Variants in KCNQ3 observed in about 807,000 individuals in gnomAD.
The protein encoded by KCNQ3 is potassium voltage-gated channel subfamily Q member 3, also known as potassium voltage-gated channel subfamily KQT member 3.
KCNQ3 carries 30 observed loss-of-function variants against 92.5 expected under a neutral mutation model. The ratio of observed to expected loss-of-function variants is 0.32; its 90% CI spans 0.24 to 0.44. KCNQ3 has a LOEUF of 0.44. Among genes scored for constraint, KCNQ3 ranks in the 20% least tolerant of loss-of-function variants. The pLI is 1.00. For missense variants in KCNQ3, 913 were observed against 1,140.3 expected (o/e 0.80, Z 2.87); for synonymous variants, 450 against 468.8 (o/e 0.96, Z 0.52).
At chr8:132,206,153 G>A (rs1813649970) in intron 1 of KCNQ3, among the ~76,000 whole-genome samples, 1 of 152,118 alleles carries the variant, frequency 6.6e-6, no homozygotes, top group South Asian at 2.1e-4. Flanking sequence ...GAATGGCTTG[G>A]GGCTTCTAGT....
intron 1 of KCNQ3, among the ~76,000 whole-genome samples, chr8:132,427,240 G>C (rs1563907964): frequency 6.6e-6 from 1 of 152,154 alleles, no homozygotes; most frequent in Non-Finnish European, 1.5e-5. Flanking sequence ...CTGCCTCTAT[G>C]GGAGTAAGAG....
chr8:132,438,631 G>T (rs1229464007), intron 1 of KCNQ3, among the ~76,000 whole-genome samples: 1 of 151,998 alleles, frequency 6.6e-6, no homozygotes, highest in East Asian at 1.9e-4. Context: ...GTGGTCAGCT[G>T]CTAGGAGAGC....
chr8:132,291,819 CT>C (rs1296034449), intron 1 of KCNQ3, among the ~76,000 whole-genome samples: 2 of 152,128 alleles, frequency 1.3e-5, no homozygotes, highest in Non-Finnish European at 2.9e-5. Flanking sequence ...GACAAAATAA[CT>C]TTAAAAACAG....
chr8:132,264,893 C>CT (rs2130481315), intron 1 of KCNQ3, among the ~76,000 whole-genome samples: 1 of 152,292 alleles, frequency 6.6e-6, no homozygotes, highest in African/African-American at 2.4e-5. Context: ...CTTACTAGCT[C>CT]TAGCTGTAAA....
intron 1 of KCNQ3, among the ~76,000 whole-genome samples, chr8:132,455,340 C>T (rs1402172151): frequency 6.6e-6 from 1 of 152,234 alleles, no homozygotes; most frequent in Non-Finnish European, 1.5e-5. Flanking sequence ...CTCCTGACCT[C>T]ACATGACTCT....
intron 1 of KCNQ3, among the ~76,000 whole-genome samples, chr8:132,270,742 A>T (rs1816123017): frequency 6.6e-6 from 1 of 152,250 alleles, no homozygotes; most frequent in South Asian, 2.1e-4. Flanking sequence ...TTTGTTACAG[A>T]ATATTTTTAT....
intron 3 of KCNQ3, among the ~76,000 whole-genome samples, chr8:132,183,229 C>A (rs1826849778): frequency 6.6e-6 from 1 of 152,126 alleles, no homozygotes; most frequent in Non-Finnish European, 1.5e-5. Flanking sequence ...TAAGTTGAAG[C>A]CACTGATGAC....
chr8:132,226,502 C>G (rs1038746983), intron 1 of KCNQ3, among the ~76,000 whole-genome samples: 1 of 152,070 alleles, frequency 6.6e-6, no homozygotes, highest in African/African-American at 2.4e-5. Context: ...AAGAAATTGA[C>G]AAGTAGCCAA....
chr8:132,172,155 C>T (rs1339628581), intron 7 of KCNQ3, among the ~76,000 whole-genome samples: 2 of 151,906 alleles, frequency 1.3e-5, no homozygotes, highest in Non-Finnish European at 2.9e-5. Flanking sequence ...CCCTACACTC[C>T]AGCCTGGACA....
chr8:132,429,238 C>A (rs1821185189), intron 1 of KCNQ3, among the ~76,000 whole-genome samples: 1 of 152,192 alleles, frequency 6.6e-6, no homozygotes, highest in South Asian at 2.1e-4. Flanking sequence ...GGCATCTTGT[C>A]TCCTTATCAT....
chr8:132,235,521 C>G (rs1210220262), intron 1 of KCNQ3, among the ~76,000 whole-genome samples: 6 of 152,132 alleles, frequency 3.9e-5, no homozygotes, highest in Non-Finnish European at 8.8e-5. Flanking sequence ...AACTTCCTGT[C>G]CAGCCACTAG....
rs149240486 is a variant in KCNQ3, at chr8:132,392,135, C to T, written c.386+88012G>A. On this transcript the variant is annotated intron_variant, in intron 1 of 14. Coordinates refer to ENST00000388996, the MANE Select transcript of KCNQ3 (RefSeq NM_004519.4). ...CCCCCTGGAGAAACATATCTGGTTA[C>T]GACGTAATTCCTCTGACCTAAATTG... Among the ~76,000 whole-genome samples the T allele has an allele frequency of 5.4e-3, 820 of 152,276 alleles. 9 individuals carry two copies. Among genetic ancestry groups the T allele is most frequent in the African/African-American group, 0.018 (757 of 41,554 alleles).
Position 132,137,875 on chromosome 8 carries a change from A to ACTGT in KCNQ3, c.1700+6_1700+9dup. The stretch of plus-strand genomic sequence containing the variant: ...GGGGAGCGCAGTCCCTCCAGATGTG[A>ACTGT]CTGTCTCACCTCGTCTGAAGGTACT... On this transcript the variant is annotated intron_variant, in intron 12 of 14. Coordinates refer to ENST00000388996, the MANE Select transcript of KCNQ3 (RefSeq NM_004519.4). The ACTGT allele has an allele frequency of 6.2e-7, 1 of 1,613,930 alleles. No individual in the cohort carries two copies. Among genetic ancestry groups the ACTGT allele is most frequent in the Non-Finnish European group, 8.5e-7 (1 of 1,179,930 alleles).
chr8:132,471,961 A>G lies in KCNQ3; in HGVS notation c.386+8186T>C, dbSNP rs572139510. On this transcript the variant is annotated intron_variant, in intron 1 of 14. Transcript: ENST00000388996. ...CAAAGTGGGCAAAGGATATGAATAG[A>G]TATTTCTTAAAAGAAGACATATATA... 1.9e-4 allele frequency among the ~76,000 whole-genome samples: 29 copies of G among 152,344 alleles called. No homozygotes were observed. The East Asian group carries it at 5.2e-3, about 27-fold the overall frequency.
chr8:132,396,534 C>T (rs535712210), intron 1 of KCNQ3, among the ~76,000 whole-genome samples: 1 of 151,886 alleles, frequency 6.6e-6, no homozygotes, highest in South Asian at 2.1e-4. Context: ...CAGATTTATC[C>T]AGCCTTGCCG....
chr8:132,190,000 CA>C (rs1281940778), intron 1 of KCNQ3, among the ~76,000 whole-genome samples: 1 of 150,752 alleles, frequency 6.6e-6, no homozygotes, highest in Non-Finnish European at 1.5e-5. Context: ...CTTGGTCCAA[CA>C]ATGCAAGCCA....
At chr8:132,476,745 T>C (rs551598928) in intron 1 of KCNQ3, among the ~76,000 whole-genome samples, 2 of 152,312 alleles carry the variant, frequency 1.3e-5, no homozygotes, top group Admixed American at 6.5e-5. Flanking sequence ...GGACTTAGAC[T>C]TTTGAGTTAA....
chr8:132,388,056 A>T (rs1164294581), intron 1 of KCNQ3, among the ~76,000 whole-genome samples: 1 of 151,668 alleles, frequency 6.6e-6, no homozygotes, highest in Non-Finnish European at 1.5e-5. Context: ...AAGAAGAAGA[A>T]GAGAAGAAGA....
At chr8:132,314,165 T>A (rs1817674851) in intron 1 of KCNQ3, among the ~76,000 whole-genome samples, 1 of 152,180 alleles carries the variant, frequency 6.6e-6, no homozygotes, top group African/African-American at 2.4e-5. Context: ...AGTGGCTGGA[T>A]ATAAAAATAA....
Sources: gnomAD v4.1 joint callset for allele counts (sites outside exome capture counted in the v4.1 genomes callset) on GRCh38, gnomAD v4.1.1 for gene constraint, MANE v1.5 for transcripts, NCBI Gene and HGNC (gene_info 2026-07-23, HGNC 2026-07-21) for gene names.